The following SMAP1 variants were observed in gnomAD, a reference collection of about 807,000 sequenced individuals.
SMAP1 encodes the protein small ArfGAP 1.
Under a neutral mutation model 58.5 loss-of-function variants are expected in SMAP1, and 24 were observed. The observed-to-expected ratio is 0.41, with a 90% CI of 0.30 to 0.58. The LOEUF is 0.58. Ranked by LOEUF, SMAP1 falls within the 20% of genes least tolerant of loss-of-function variation. SMAP1 has a pLI of 0.29. For missense variants in SMAP1, 563 were observed against 566.3 expected, an observed-to-expected ratio of 0.99 and a Z score of 0.06; for synonymous variants, 216 against 196.6, an observed-to-expected ratio of 1.10 and a Z score of -0.82.
chr6:70,688,124 C>T (rs892724468), intron 1 of SMAP1, among the ~76,000 whole-genome samples: 4 of 152,242 alleles, frequency 2.6e-5, no homozygotes, highest in African/African-American at 4.8e-5. Flanking sequence ...CAAGTTTTTG[C>T]GTCTGTTAAT....
At chr6:70,782,781 G>A (rs1242884204) in intron 4 of SMAP1, among the ~76,000 whole-genome samples, 1 of 152,130 alleles carries the variant, frequency 6.6e-6, no homozygotes, top group Non-Finnish European at 1.5e-5. Flanking sequence ...TTGAAGAGAG[G>A]CCAACAACCT....
intron 4 of SMAP1, among the ~76,000 whole-genome samples, chr6:70,791,130 A>G (rs1768332519): frequency 1.3e-5 from 2 of 152,218 alleles, no homozygotes; most frequent in Admixed American, 1.3e-4. Flanking sequence ...CTTTATAATA[A>G]GTCTGCTGCT....
rs139302619 is a variant in SMAP1 at position 70,827,787 on chromosome 6, G to A, written c.577-9154G>A. Among the ~76,000 whole-genome samples, 834 of 152,264 alleles carry A rather than the reference G, an allele frequency of 5.5e-3. 11 individuals are homozygous for A. Among genetic ancestry groups the A allele is most frequent in the Non-Finnish European group, 9.4e-3 (641 of 68,002 alleles). ...AGCCCAGTGAGATACTGTTTGGGGC[G>A]GTAGTGTCCATAGGTCTTACAGAGA... On this transcript the variant is annotated intron_variant, in intron 6 of 10. Coordinates refer to ENST00000370455, the MANE Select transcript of SMAP1 (RefSeq NM_001044305.3).
chr6:70,703,570 G>A (rs1767723066), intron 1 of SMAP1, among the ~76,000 whole-genome samples: 1 of 152,090 alleles, frequency 6.6e-6, no homozygotes, highest in African/African-American at 2.4e-5. Flanking sequence ...CATTAGTGAG[G>A]CAAAAATTCT....
chr6:70,815,297 A>G (rs1769570170), intron 6 of SMAP1, among the ~76,000 whole-genome samples: 1 of 152,190 alleles, frequency 6.6e-6, no homozygotes, highest in South Asian at 2.1e-4. Flanking sequence ...ATGTAGTTGT[A>G]TAAAATACAA....
intron 6 of SMAP1, among the ~76,000 whole-genome samples, chr6:70,834,861 G>A (rs552751055): frequency 3.9e-4 from 60 of 152,316 alleles, no homozygotes; most frequent in Admixed American, 1.5e-3. Context: ...ATTAGAGGTT[G>A]AAAAGTGAAA....
chr6:70,721,104 C>T (rs543452235), intron 1 of SMAP1, among the ~76,000 whole-genome samples: 30 of 152,254 alleles, frequency 2.0e-4, no homozygotes, highest in Admixed American at 7.2e-4. Flanking sequence ...TTTCTGCAGC[C>T]GGCTTGAATT....
chr6:70,804,879 T>C (rs1397563255), intron 6 of SMAP1, among the ~76,000 whole-genome samples: 3 of 152,212 alleles, frequency 2.0e-5, no homozygotes, highest in Non-Finnish European at 4.4e-5. Context: ...GTTAGTCTGA[T>C]GGACTTCCCT....
At chr6:70,745,618 G>A (rs1180479472) in intron 2 of SMAP1, among the ~76,000 whole-genome samples, 2 of 152,190 alleles carry the variant, frequency 1.3e-5, no homozygotes, top group Non-Finnish European at 2.9e-5. Context: ...GATGCCTCCA[G>A]CTTTGTTCTT....
chr6:70,805,427 T>C (rs992644353), intron 6 of SMAP1, among the ~76,000 whole-genome samples: 1 of 152,230 alleles, frequency 6.6e-6, no homozygotes, highest in Admixed American at 6.5e-5. Flanking sequence ...GTTTTTAACT[T>C]CCTTGCGATG....
At chr6:70,701,337 A>G (rs1377778537) in intron 1 of SMAP1, among the ~76,000 whole-genome samples, 3 of 152,094 alleles carry the variant, frequency 2.0e-5, no homozygotes, top group African/African-American at 7.2e-5. Context: ...CCGGCTCTGG[A>G]TCACAGGCAT....
intron 2 of SMAP1, chr6:70,735,040 G>A (rs1765569226): frequency 6.6e-6 from 1 of 152,668 alleles, no homozygotes; most frequent in Non-Finnish European, 1.5e-5. Context: ...AATGCATTTT[G>A]GCATTATTGC....
rs572859788 is a variant in SMAP1 at position 70,741,857 on chromosome 6, C to T, written c.252+9346C>T. On this transcript the variant is annotated intron_variant, in intron 2 of 10. Transcript: ENST00000370455. ...GTTCCCAAAAGTCAATTCTTGACTT[C>T]TGTGCACCTGCAGGCTCAACACCAC... Among the ~76,000 whole-genome samples, 5 of 152,328 alleles carry T rather than the reference C, an allele frequency of 3.3e-5. No individual in the cohort carries two copies. The South Asian group carries it at 8.3e-4, about 25-fold the overall frequency.
intron 1 of SMAP1, among the ~76,000 whole-genome samples, chr6:70,683,402 C>A (rs1406864884): frequency 6.6e-6 from 1 of 151,898 alleles, no homozygotes; most frequent in Admixed American, 6.6e-5. Context: ...GAACTCCTGA[C>A]CTTGTGATCC....
intron 4 of SMAP1, among the ~76,000 whole-genome samples, chr6:70,790,123 G>A (rs17696189): frequency 0.024 from 3,578 of 152,164 alleles, 51 homozygotes; most frequent in Non-Finnish European, 0.037. Context: ...TAAAGTGATC[G>A]TACGGCTTTT....
intron 3 of SMAP1, among the ~76,000 whole-genome samples, chr6:70,758,282 A>G (rs1242499418): frequency 6.6e-6 from 1 of 150,634 alleles, no homozygotes; most frequent in Non-Finnish European, 1.5e-5. Flanking sequence ...AAAAAACCAA[A>G]CACTGCATAT....
chr6:70,848,225 G>A (rs575225823), intron 7 of SMAP1, among the ~76,000 whole-genome samples: 1 of 152,200 alleles, frequency 6.6e-6, no homozygotes, highest in African/African-American at 2.4e-5. Context: ...GCTTCCAGGA[G>A]CCCAGTTTGC....
intron 2 of SMAP1, among the ~76,000 whole-genome samples, chr6:70,734,332 G>C (rs944765482): frequency 1.3e-5 from 2 of 152,180 alleles, no homozygotes; most frequent in Non-Finnish European, 2.9e-5. Context: ...TTTTATTAGA[G>C]GTGGGGTTTT....
intron 4 of SMAP1, among the ~76,000 whole-genome samples, chr6:70,783,583 T>G (rs980620502): frequency 2.0e-5 from 3 of 152,040 alleles, no homozygotes; most frequent in Non-Finnish European, 4.4e-5. Flanking sequence ...ATAACTAGAA[T>G]AACCAATGCA....
Sources: allele counts gnomAD v4.1 joint callset (sites outside exome capture counted in the v4.1 genomes callset), GRCh38; gene constraint gnomAD v4.1.1; transcripts MANE v1.5; gene names NCBI Gene and HGNC (gene_info 2026-07-23, HGNC 2026-07-21).